Variants in IFFO2 observed in about 807,000 individuals in gnomAD.
The protein encoded by IFFO2 is intermediate filament family orphan 2.
A neutral mutation model predicts 53.5 loss-of-function variants in IFFO2; 19 were observed. That is an observed-to-expected ratio of 0.36 (90% CI 0.25 to 0.52). IFFO2 has a LOEUF of 0.52. IFFO2 is among the 20% of genes least tolerant of loss of function. IFFO2 has a pLI of 0.94. For synonymous variants in IFFO2, 303 were observed against 313.6 expected, an observed-to-expected ratio of 0.97 and a Z score of 0.36; for missense variants, 570 against 727.4, an observed-to-expected ratio of 0.78 and a Z score of 2.49.
rs200725997 is a variant in IFFO2, at chr1:18,917,083, G to A, written c.964-41C>T. 40 of 1,548,604 alleles carry A rather than the reference G, an allele frequency of 2.6e-5. No homozygotes were observed. The highest frequency in any genetic ancestry group is 1.7e-4 in the Middle Eastern group (1 of 6,008). ...AGCAATCAAGGTAACTGGGGGGCTC[G>A]GCTAGGATGGAAGGTAGGGGTGAAC... On this transcript the variant is annotated intron_variant, in intron 4 of 8. Transcript: ENST00000455833. The surrounding 1 kb of genome is among the most constrained non-coding windows in gnomAD (Gnocchi z 5.9).
intron 1 of IFFO2, among the ~76,000 whole-genome samples, chr1:18,937,223 G>C (rs1464260423): frequency 5.3e-5 from 8 of 152,200 alleles, no homozygotes; most frequent in Non-Finnish European, 1.0e-4. Flanking sequence ...CGTGGGGCTT[G>C]TGCAACCAAG....
Position 18,935,068 on chromosome 1 carries a change from A to G in IFFO2, c.666-13947T>C, listed in dbSNP as rs377053071. Among the ~76,000 whole-genome samples the G allele has an allele frequency of 2.6e-4, 39 of 152,318 alleles. No individual in the cohort carries two copies. In the South Asian group the frequency reaches 7.3e-3, roughly 28 times the overall value. On this transcript the variant is annotated intron_variant, in intron 1 of 8. Coordinates refer to ENST00000455833, the MANE Select transcript of IFFO2 (RefSeq NM_001136265.2). ...AGAACGCTCTCTGGCATTCTCTACCACAGGCTCCCAGTTGCCCAGGGAGCC... is the reference window on the plus strand; with the variant it reads ...AGAACGCTCTCTGGCATTCTCTACCGCAGGCTCCCAGTTGCCCAGGGAGCC...
intron 1 of IFFO2, among the ~76,000 whole-genome samples, chr1:18,946,216 A>G (rs1405562221): frequency 6.6e-6 from 1 of 152,118 alleles, no homozygotes; most frequent in East Asian, 1.9e-4. Context: ...AAAGTGCTCC[A>G]CGGGTATCAT....
rs1936163352 is a variant in IFFO2, at chr1:18,918,209, G to C, written c.963+153C>G. ...CGGGTGCCTGATTCTACGTTTTCCT[G>C]GGGAGGCCACAGGGTCAGGTAGTGC... On this transcript the variant is annotated intron_variant, in intron 4 of 8. Transcript: ENST00000455833. The surrounding 1 kb of genome is among the most constrained non-coding windows in gnomAD (Gnocchi z 5.2). Among the ~76,000 whole-genome samples, 1 of 152,140 alleles carries C rather than the reference G, an allele frequency of 6.6e-6. No individual in the cohort carries two copies.
chr1:18,943,779 G>T (rs1357110742), intron 1 of IFFO2, among the ~76,000 whole-genome samples: 2 of 152,238 alleles, frequency 1.3e-5, no homozygotes, highest in African/African-American at 4.8e-5. Context: ...TTGCGACATG[G>T]AGACAAACCC....
At position 18,917,079 on chromosome 1, in the gene IFFO2, G is replaced by A. The variant is rs1440341391; in HGVS notation, c.964-37C>T. 6.5e-7 allele frequency: 1 copy of A among 1,549,584 alleles called. No individual in the cohort carries two copies. The highest frequency in any genetic ancestry group is 8.7e-7 in the Non-Finnish European group (1 of 1,145,656). ...AGGAAGCAATCAAGGTAACTGGGGGGCTCGGCTAGGATGGAAGGTAGGGGT... is the reference window on the plus strand; with the variant it reads ...AGGAAGCAATCAAGGTAACTGGGGGACTCGGCTAGGATGGAAGGTAGGGGT... On this transcript the variant is annotated intron_variant, in intron 4 of 8. Coordinates refer to ENST00000455833, the MANE Select transcript of IFFO2 (RefSeq NM_001136265.2). The surrounding 1 kb of genome is among the most constrained non-coding windows in gnomAD (Gnocchi z 5.9).
chr1:18,924,563 C>T (rs1936256315), intron 1 of IFFO2, among the ~76,000 whole-genome samples: 1 of 152,224 alleles, frequency 6.6e-6, no homozygotes, highest in Non-Finnish European at 1.5e-5. Flanking sequence ...TCCCCTCTCC[C>T]AGCCCCAGCC....
intron 1 of IFFO2, among the ~76,000 whole-genome samples, chr1:18,922,157 A>G (rs1357372137): frequency 6.6e-6 from 1 of 152,168 alleles, no homozygotes; most frequent in East Asian, 1.9e-4. Context: ...GACGCTCCAG[A>G]CTGGTTGCTC....
intron 1 of IFFO2, among the ~76,000 whole-genome samples, chr1:18,953,717 G>C (rs1363436116): frequency 1.3e-5 from 2 of 152,162 alleles, no homozygotes; most frequent in African/African-American, 4.8e-5. Flanking sequence ...CGGGAAGAGA[G>C]ACGCCCGCAC....
At chr1:18,915,689 T>C (rs1936123684) in intron 5 of IFFO2, among the ~76,000 whole-genome samples, 1 of 152,122 alleles carries the variant, frequency 6.6e-6, no homozygotes, top group African/African-American at 2.4e-5. Flanking sequence ...TCTCCTAGGA[T>C]GGGCGTCTGG....
chr1:18,942,839 TC>T (rs1306485176), intron 1 of IFFO2, among the ~76,000 whole-genome samples: 2 of 128,678 alleles, frequency 1.6e-5, no homozygotes, highest in Non-Finnish European at 3.6e-5. Context: ...TTATATTATT[TC>T]TTTTTTTTTT....
At chr1:18,951,786 C>T (rs1936663057) in intron 1 of IFFO2, among the ~76,000 whole-genome samples, 2 of 152,214 alleles carry the variant, frequency 1.3e-5, no homozygotes, top group African/African-American at 4.8e-5. Flanking sequence ...CTGCCTATGC[C>T]TGGAGCCTGG....
chr1:18,946,384 C>T (rs576845855), intron 1 of IFFO2, among the ~76,000 whole-genome samples: 5 of 147,670 alleles, frequency 3.4e-5, no homozygotes, highest in East Asian at 2.0e-4. Context: ...TGACTTCCTG[C>T]GGTCAGATCT....
At position 18,955,776 on chromosome 1, in the gene IFFO2, A is replaced by G; in HGVS notation, c.557T>C (p.Val186Ala). 9 of 1,553,586 alleles carry G rather than the reference A, an allele frequency of 5.8e-6. No homozygotes were observed. The highest frequency in any genetic ancestry group is 7.8e-6 in the Non-Finnish European group (9 of 1,155,778). Reference sequence around the variant, plus strand: ...CTGCACGCCCACGCCGTCGGGGTGCACCCACGACACGCCGGGGCCCTGCAC... The same window carrying G: ...CTGCACGCCCACGCCGTCGGGGTGCGCCCACGACACGCCGGGGCCCTGCAC... ...ETVQGPGVSW[V>A]HPDGVGVQID... The change falls in exon 1 of 9, where the codon GTG becomes GCG. Residue 186 changes from valine to alanine, a missense_variant. Coordinates refer to ENST00000455833, the MANE Select transcript of IFFO2 (RefSeq NM_001136265.2).
chr1:18,924,816 G>A (rs1156988717), intron 1 of IFFO2, among the ~76,000 whole-genome samples: 8 of 152,338 alleles, frequency 5.3e-5, no homozygotes, highest in Middle Eastern at 3.4e-3. Context: ...GAAGACTCCA[G>A]AATATTGACA....
Position 18,926,117 on chromosome 1 carries a change from A to ATG in IFFO2, c.666-4997_666-4996insCA, listed in dbSNP as rs1936293098. On this transcript the variant is annotated intron_variant, in intron 1 of 8. Coordinates refer to ENST00000455833, the MANE Select transcript of IFFO2 (RefSeq NM_001136265.2). ...GGATGGATGGATTGGTTGGATGGATAGATGGATGGATGGATGGATGGATGG... is the reference window on the plus strand; with the variant it reads ...GGATGGATGGATTGGTTGGATGGATATGGATGGATGGATGGATGGATGGATGG... 7.0e-4 allele frequency among the ~76,000 whole-genome samples: 25 copies of ATG among 35,506 alleles called. 1 individual carries two copies. The highest frequency in any genetic ancestry group is 1.3e-3 in the African/African-American group (10 of 7,984). The allele number at this position is 35,506 out of a possible 152,430, so 23.3% of individuals were successfully genotyped here.
chr1:18,932,875 C>T (rs1325425414), intron 1 of IFFO2, among the ~76,000 whole-genome samples: 4 of 152,172 alleles, frequency 2.6e-5, no homozygotes, highest in Non-Finnish European at 5.9e-5. Context: ...GTATCCAATT[C>T]GGCACCATAT....
At position 18,916,331 on chromosome 1, in the gene IFFO2, C is replaced by T. The variant is rs1045487398; in HGVS notation, c.1103+572G>A. Among the ~76,000 whole-genome samples, 40 of 152,240 alleles carry T rather than the reference C, an allele frequency of 2.6e-4. No individual in the cohort carries two copies. The highest frequency in any genetic ancestry group is 8.2e-4 in the African/African-American group (34 of 41,528). ...AGACAGGGAACATAAAGGATGCTGG[C>T]GAATGGAAGAGTATGCGCCTGTCCA... On this transcript the variant is annotated intron_variant, in intron 5 of 8. Coordinates refer to ENST00000455833, the MANE Select transcript of IFFO2 (RefSeq NM_001136265.2). This position sits in a 1 kb window ranked among gnomAD's most constrained non-coding sequence, Gnocchi z 4.3.
intron 5 of IFFO2, among the ~76,000 whole-genome samples, chr1:18,915,483 C>A (rs141258379): frequency 1.2e-3 from 177 of 152,218 alleles, no homozygotes; most frequent in African/African-American, 4.1e-3. Flanking sequence ...CCAGCAGGCT[C>A]GCCCACCACT....
Sources: gnomAD v4.1 joint callset for allele counts (sites outside exome capture counted in the v4.1 genomes callset) on GRCh38, gnomAD v4.1.1 for gene constraint, Gnocchi (gnomAD v3.1) non-coding constraint, MANE v1.5 for transcripts, NCBI Gene and HGNC (gene_info 2026-07-23, HGNC 2026-07-21) for gene names.